The following AMBRA1 variants were observed in gnomAD, a reference collection of about 807,000 sequenced individuals.
AMBRA1 encodes activating molecule in BECN1-regulated autophagy protein 1.
Under a neutral mutation model 125.4 loss-of-function variants are expected in AMBRA1, and 47 were observed. The ratio of observed to expected loss-of-function variants is 0.37; its 90% CI spans 0.30 to 0.48. The LOEUF (loss-of-function observed/expected upper bound fraction) is 0.48. AMBRA1 is among the 20% of genes least tolerant of loss of function. The probability of loss-of-function intolerance (pLI) is 0.99; values close to 1 mark genes in which losing one functional copy is unlikely to be tolerated. For missense variants in AMBRA1, 1,331 were observed against 1,693.4 expected (o/e 0.79, Z 3.76); for synonymous variants, 626 against 655.5 (o/e 0.95, Z 0.69).
In AMBRA1 at chr11:46,417,885, C is replaced by T. The variant is rs373231503; in HGVS notation, c.3116+28G>A. On this transcript the variant is annotated intron_variant, in intron 15 of 17. Transcript: ENST00000683756. ...CCCCAGTCCTCGGCCCCAGTGATCCCTCAACCCCCACACTTTAAGCCACTT... is the reference window on the plus strand; with the variant it reads ...CCCCAGTCCTCGGCCCCAGTGATCCTTCAACCCCCACACTTTAAGCCACTT... 174 of 1,579,262 alleles carry T rather than the reference C, an allele frequency of 1.1e-4. No homozygotes were observed. In the African/African-American group the frequency reaches 1.9e-3, roughly 17 times the overall value.
At chr11:46,407,111 G>A (rs539631684) in intron 17 of AMBRA1, among the ~76,000 whole-genome samples, 4 of 152,058 alleles carry the variant, frequency 2.6e-5, no homozygotes, top group East Asian at 1.9e-4. Flanking sequence ...CTCGGGAAGC[G>A]GTGGTTGCAG....
chr11:46,442,854 T>C (rs1056383485), intron 12 of AMBRA1, among the ~76,000 whole-genome samples: 2 of 152,194 alleles, frequency 1.3e-5, no homozygotes, highest in African/African-American at 4.8e-5. Flanking sequence ...CTAAGCCCTA[T>C]GGGATTATAG....
At chr11:46,505,397 C>T (rs2135024092) in intron 9 of AMBRA1, among the ~76,000 whole-genome samples, 1 of 152,268 alleles carries the variant, frequency 6.6e-6, no homozygotes, top group African/African-American at 2.4e-5. Context: ...AATAAACAGT[C>T]AGTTTCAACC....
In AMBRA1 at chr11:46,460,980, C is replaced by T. The variant is rs947630285; in HGVS notation, c.2522-17382G>A. 2.0e-5 allele frequency among the ~76,000 whole-genome samples: 3 copies of T among 152,158 alleles called. No individual in the cohort carries two copies. In the South Asian group the frequency reaches 6.2e-4, roughly 32 times the overall value. ...AATTAGGGCCAGGAGTGGTGGTGCA[C>T]ACTTATAATCCCAGCACTTTGGGAG... On this transcript the variant is annotated intron_variant, in intron 11 of 17. Coordinates refer to ENST00000683756, the MANE Select transcript of AMBRA1 (RefSeq NM_001387011.1).
At chr11:46,493,866 A>G in intron 10 of AMBRA1, 158 bp from the exon 11 acceptor site, 1 of 664,546 alleles carries the variant, frequency 1.5e-6, no homozygotes, top group East Asian at 2.7e-5. Context: ...GCAGATTTGT[A>G]TCTATCTTTT....
chr11:46,506,464 GT>G (rs1451737519), intron 9 of AMBRA1, among the ~76,000 whole-genome samples: 5 of 152,174 alleles, frequency 3.3e-5, no homozygotes, highest in Non-Finnish European at 1.5e-5. Flanking sequence ...CACTTTCCTA[GT>G]CCTTTCTGGC....
rs774290472 is a variant in AMBRA1 at position 46,397,402 on chromosome 11, G to A, written c.*48C>T. 1.7e-5 allele frequency: 25 copies of A among 1,457,536 alleles called. No individual in the cohort carries two copies. Among genetic ancestry groups the A allele is most frequent in the Non-Finnish European group, 1.9e-5 (21 of 1,103,580 alleles). 90.3% of individuals were successfully genotyped at this position (1,457,536 alleles called of 1,614,324 possible). A position where few individuals can be genotyped will look rare whatever the true frequency, so the allele number is the denominator to read the frequency against. ...CAGTTCCCAGTCAGCTGTGAGGTCC[G>A]GTTTCTGCTTGGCGGTTCGAGGGGA... On this transcript the variant is annotated 3_prime_UTR_variant, in exon 18 of 18. Coordinates refer to ENST00000683756, the MANE Select transcript of AMBRA1 (RefSeq NM_001387011.1).
At chr11:46,436,054 T>A (rs552245777) in intron 12 of AMBRA1, among the ~76,000 whole-genome samples, 1 of 152,328 alleles carries the variant, frequency 6.6e-6, no homozygotes, top group Non-Finnish European at 1.5e-5. Flanking sequence ...CTCATGTAGA[T>A]ATACCTCAAG....
intron 11 of AMBRA1, among the ~76,000 whole-genome samples, chr11:46,485,139 T>C (rs928380550): frequency 2.0e-5 from 3 of 152,150 alleles, no homozygotes; most frequent in Non-Finnish European, 2.9e-5. Context: ...GGTTTCACCA[T>C]GTTGGCCAGG....
intron 1 of AMBRA1, among the ~76,000 whole-genome samples, chr11:46,570,701 G>T (rs1257912692): frequency 6.6e-6 from 1 of 152,002 alleles, no homozygotes; most frequent in Non-Finnish European, 1.5e-5. Flanking sequence ...GTAGGTTAAT[G>T]ATACAACACT....
chr11:46,561,000 T>A (rs1340114675), intron 1 of AMBRA1, among the ~76,000 whole-genome samples: 1 of 152,196 alleles, frequency 6.6e-6, no homozygotes, highest in Non-Finnish European at 1.5e-5. Context: ...TTCTATTCTC[T>A]GCATAGTCTT....
intron 11 of AMBRA1, among the ~76,000 whole-genome samples, chr11:46,492,441 C>G (rs1399265049): frequency 6.6e-6 from 1 of 152,186 alleles, no homozygotes; most frequent in Non-Finnish European, 1.5e-5. Flanking sequence ...CATCACATGG[C>G]CCAGATTCTC....
chr11:46,590,073 T>C (rs1041416558), intron 1 of AMBRA1, among the ~76,000 whole-genome samples: 2 of 152,040 alleles, frequency 1.3e-5, no homozygotes, highest in Non-Finnish European at 2.9e-5. Context: ...GTGAAAATTA[T>C]ACAGTATAAA....
At chr11:46,452,046 C>G (rs933413302) in intron 11 of AMBRA1, among the ~76,000 whole-genome samples, 1 of 151,606 alleles carries the variant, frequency 6.6e-6, no homozygotes, top group East Asian at 1.9e-4. Flanking sequence ...GATGACTGCA[C>G]AACTCTATAT....
chr11:46,460,696 T>C (rs1169604694), intron 11 of AMBRA1, among the ~76,000 whole-genome samples: 1 of 152,188 alleles, frequency 6.6e-6, no homozygotes, highest in Non-Finnish European at 1.5e-5. Flanking sequence ...TACAACCATA[T>C]AAACCAAAGT....
chr11:46,517,475 T>G (rs867009416), intron 7 of AMBRA1, among the ~76,000 whole-genome samples: 71 of 141,496 alleles, frequency 5.0e-4, no homozygotes, highest in African/African-American at 1.5e-3. Flanking sequence ...ATAAGGTTTT[T>G]TTTTTTTTTT....
rs1945516301 is a variant in AMBRA1, at chr11:46,397,584, G to C, written c.3763C>G (p.Pro1255Ala). The change falls in exon 18 of 18, where the codon CCC becomes GCC. Residue 1255 changes from proline (P) to alanine (A), a missense_variant. Physicochemically the swap from Pro to Ala is conservative, Grantham distance 27 (BLOSUM62 -1). Transcript: ENST00000683756. ...GCGCTGGGAAGGGAAACAGGAATGG[G>C]GACAGGGGAGGAAGAGGGCAGGGTT... ...QPTLPSSSPV[P>A]IPVSLPSAEG... 6.3e-7 allele frequency: 1 copy of C among 1,597,150 alleles called. No homozygotes were observed. The highest frequency in any genetic ancestry group is 8.5e-7 in the Non-Finnish European group (1 of 1,170,336).
intron 11 of AMBRA1, among the ~76,000 whole-genome samples, chr11:46,470,315 G>A (rs1360185985): frequency 1.3e-5 from 2 of 152,050 alleles, no homozygotes; most frequent in African/African-American, 2.4e-5. Flanking sequence ...TTGGCCGGGC[G>A]CGGTGGCTCA....
chr11:46,496,299 T>G (rs1330478388), intron 9 of AMBRA1, among the ~76,000 whole-genome samples: 1 of 152,080 alleles, frequency 6.6e-6, no homozygotes, highest in African/African-American at 2.4e-5. Flanking sequence ...GGAGAATCCC[T>G]TGAACCCAGG....
Sources: allele counts gnomAD v4.1 joint callset (sites outside exome capture counted in the v4.1 genomes callset), GRCh38; gene constraint gnomAD v4.1.1; transcripts MANE v1.5; gene names NCBI Gene and HGNC (gene_info 2026-07-23, HGNC 2026-07-21).